The following ZBTB7B variants were observed in gnomAD, a reference collection of about 807,000 sequenced individuals.
ZBTB7B encodes zinc finger and BTB domain-containing protein 7B.
ZBTB7B carries 8 observed loss-of-function variants against 31.0 expected under a neutral mutation model. The ratio of observed to expected loss-of-function variants is 0.26; its 90% CI spans 0.15 to 0.47. The LOEUF is 0.47. ZBTB7B is among the 20% of genes least tolerant of loss of function. The pLI, the probability that ZBTB7B is intolerant of heterozygous loss-of-function variation, is 0.99. For synonymous variants in ZBTB7B, 261 were observed against 307.3 expected, an observed-to-expected ratio of 0.85 and a Z score of 1.58; for missense variants, 494 against 742.4, an observed-to-expected ratio of 0.67 and a Z score of 3.89.
At position 155,014,796 on chromosome 1, in the gene ZBTB7B, C is replaced by T; in HGVS notation, c.136C>T (p.Arg46Cys). The change falls in exon 2 of 3, where the codon CGC (arginine) becomes TGC (cysteine). Residue 46 changes from arginine to cysteine, a missense_variant. Coordinates refer to ENST00000535420, the MANE Select transcript of ZBTB7B (RefSeq NM_001256455.2). ...CATCCGGACGCAGGGCCTTGAATAC[C>T]GCACCCACAGGGCTGTGCTAGCTGC... Reference protein sequence around the residue: ...LTIRTQGLEYRTHRAVLAACS... With the variant: ...LTIRTQGLEYCTHRAVLAACS... 2 of 1,614,196 alleles carry T rather than the reference C, an allele frequency of 1.2e-6. No individual in the cohort carries two copies. Among genetic ancestry groups the T allele is most frequent in the Non-Finnish European group, 1.7e-6 (2 of 1,180,034 alleles).
At chr1:155,009,918 A>C (rs1658836071) in intron 1 of ZBTB7B, among the ~76,000 whole-genome samples, 1 of 152,030 alleles carries the variant, frequency 6.6e-6, no homozygotes, top group South Asian at 2.1e-4. Context: ...AGTTCCTGGG[A>C]GGAGGCCTAG....
chr1:155,006,224 T>C (rs1658548173), intron 1 of ZBTB7B, among the ~76,000 whole-genome samples: 1 of 152,220 alleles, frequency 6.6e-6, no homozygotes. Flanking sequence ...CAGAGAGGGC[T>C]GCCCTCTTCA....
In ZBTB7B at chr1:155,015,683, C is replaced by T; in HGVS notation, c.1023C>T (p.Arg341=). 6.2e-7 allele frequency: 1 copy of T among 1,612,974 alleles called. No individual in the cohort carries two copies. Among genetic ancestry groups the T allele is most frequent in the East Asian group, 2.2e-5 (1 of 44,872 alleles). The change falls in exon 2 of 3, where the codon CGC becomes CGT. Residue 341 remains arginine, a synonymous_variant. Transcript: ENST00000535420. The stretch of plus-strand genomic sequence containing the variant: ...AAGACAAGCTGGTGCGCAAACGCCG[C>T]TCCCAGATGCCTCAGGAGTGCCCTG... ...DSQDKLVRKR[R]SQMPQECPVC...
At chr1:155,006,613 C>T (rs763700680) in intron 1 of ZBTB7B, among the ~76,000 whole-genome samples, 28 of 152,200 alleles carry the variant, frequency 1.8e-4, no homozygotes, top group Non-Finnish European at 3.7e-4. Context: ...TTCTTCCTCC[C>T]AGGCCAACAG....
chr1:155,017,439 T>G lies in ZBTB7B; in HGVS notation c.*754T>G, dbSNP rs149024582. On this transcript the variant is annotated 3_prime_UTR_variant, in exon 3 of 3. Coordinates refer to ENST00000535420, the MANE Select transcript of ZBTB7B (RefSeq NM_001256455.2). The stretch of plus-strand genomic sequence containing the variant: ...CCTCCCCACGGCCCTGGGCAGGGAA[T>G]GTCTTGTTCCCGCCGCTCCCTCCCC... 316 of 149,574 alleles carry G rather than the reference T, an allele frequency of 2.1e-3. 2 individuals carry two copies. The highest frequency in any genetic ancestry group is 3.7e-3 in the Non-Finnish European group (247 of 66,686). 9.3% of individuals were successfully genotyped at this position (149,574 alleles called of 1,614,324 possible). A position where few individuals can be genotyped will look rare whatever the true frequency, so the allele number is the denominator to read the frequency against.
In ZBTB7B at chr1:155,011,318, G is replaced by GACC. The variant is rs1161226816; in HGVS notation, c.-6-3335_-6-3333dup. ...GTTCCCATCTCCCTTTTCTTTCCAA[G>GACC]ACCAGGCCAGTGGCCTCCACCTTTT... On this transcript the variant is annotated intron_variant, in intron 1 of 2. Transcript: ENST00000535420. Among the ~76,000 whole-genome samples, 5 of 152,374 alleles carry GACC rather than the reference G, an allele frequency of 3.3e-5. No individual in the cohort carries two copies. The East Asian group carries it at 9.6e-4, about 29-fold the overall frequency.
intron 1 of ZBTB7B, among the ~76,000 whole-genome samples, chr1:155,007,645 G>A (rs1296267668): frequency 6.6e-6 from 1 of 152,178 alleles, no homozygotes; most frequent in Admixed American, 6.5e-5. Context: ...GTAAGGCCTA[G>A]GGGCCTGGGC....
At position 155,018,397 on chromosome 1, in the gene ZBTB7B, C is replaced by A. The variant is rs1659622225; in HGVS notation, c.*1712C>A. The A allele has an allele frequency of 1.2e-6, 1 of 805,122 alleles. No individual in the cohort carries two copies. The highest frequency in any genetic ancestry group is 1.9e-6 in the Non-Finnish European group (1 of 521,508). The allele number at this position is 805,122 out of a possible 1,614,324, so 49.9% of individuals were successfully genotyped here. On this transcript the variant is annotated 3_prime_UTR_variant, in exon 3 of 3. Transcript: ENST00000535420. ...GACAATGTGGCCTCCCTTCTCCCTA[C>A]TTTCGGCTTTCCCAGTCAGTGCCTT...
intron 1 of ZBTB7B, chr1:155,014,235 C>T: frequency 3.3e-6 from 1 of 299,066 alleles, no homozygotes; most frequent in South Asian, 1.2e-4. Flanking sequence ...GAAGCCTGAA[C>T]CGGGACCCAG....
chr1:155,005,774 C>T (rs1658521436), intron 1 of ZBTB7B, among the ~76,000 whole-genome samples: 1 of 152,186 alleles, frequency 6.6e-6, no homozygotes, highest in East Asian at 1.9e-4. Flanking sequence ...CTGGCCTCTT[C>T]CCCCTCCTTG....
intron 1 of ZBTB7B, among the ~76,000 whole-genome samples, chr1:155,013,842 T>TG: frequency 2.1e-5 from 1 of 46,644 alleles, no homozygotes; most frequent in Admixed American, 2.3e-4. Flanking sequence ...CTTGGCCCCA[T>TG]GGGGGAGGGG....
chr1:155,016,040 G>A lies in ZBTB7B; in HGVS notation c.1155-180G>A, dbSNP rs1384192521. On this transcript the variant is annotated intron_variant, in intron 2 of 2. Transcript: ENST00000535420. The surrounding 1 kb of genome is among the most constrained non-coding windows in gnomAD (Gnocchi z 4.3). Reference sequence around the variant, plus strand: ...CAGGAGGGCAGTGCTGGAAGCAGAGGAGTGGATAATGACAAGGCCTAGTTA... The same window carrying A: ...CAGGAGGGCAGTGCTGGAAGCAGAGAAGTGGATAATGACAAGGCCTAGTTA... 6.6e-6 allele frequency among the ~76,000 whole-genome samples: 1 copy of A among 152,168 alleles called. No homozygotes were observed. The highest frequency in any genetic ancestry group is 1.5e-5 in the Non-Finnish European group (1 of 68,014).
In ZBTB7B at chr1:155,016,404, C is replaced by T; in HGVS notation, c.1339C>T (p.Arg447Cys). The T allele has an allele frequency of 6.2e-7, 1 of 1,614,134 alleles. No individual in the cohort carries two copies. Among genetic ancestry groups the T allele is most frequent in the East Asian group, 2.2e-5 (1 of 44,878 alleles). The change falls in exon 3 of 3, where the codon CGC (arginine) becomes TGC (cysteine). Residue 447 changes from arginine to cysteine, a missense_variant. Arg to Cys is a radical substitution (Grantham distance 180, BLOSUM62 -3). This residue lies in a region of ZBTB7B where 61 missense variants were observed against 170.0 expected (regional missense o/e 0.36). Coordinates refer to ENST00000535420, the MANE Select transcript of ZBTB7B (RefSeq NM_001256455.2). The surrounding 1 kb of genome is among the most constrained non-coding windows in gnomAD (Gnocchi z 4.3). ...KAFAKEDHLQ[R>C]HLKGQNCLEV... ...TTTCGCCAAGGAGGACCACCTGCAGCGCCACCTCAAAGGCCAGAACTGCCT... is the reference window on the plus strand; with the variant it reads ...TTTCGCCAAGGAGGACCACCTGCAGTGCCACCTCAAAGGCCAGAACTGCCT...
chr1:155,008,959 AGTTGCCGCCAGGCCCCTCAGC>A (rs1447594988), intron 1 of ZBTB7B, among the ~76,000 whole-genome samples: 1 of 152,112 alleles, frequency 6.6e-6, no homozygotes. Context: ...GGCCAGGAGG[AGTTGCCGCCAGGCCCCTCAGC>A]GTTCAGGTGA....
rs780121175 is a variant in ZBTB7B, at chr1:155,015,648, C to T, written c.988C>T (p.Leu330=). The change falls in exon 2 of 3, where the codon CTG becomes TTG. Residue 330 remains leucine, a synonymous_variant. Coordinates refer to ENST00000535420, the MANE Select transcript of ZBTB7B (RefSeq NM_001256455.2). Reference sequence around the variant, plus strand: ...GCACCAGGACAACCTGGCACCAGGCCTGGACAGCCAAGACAAGCTGGTGCG... The same window carrying T: ...GCACCAGGACAACCTGGCACCAGGCTTGGACAGCCAAGACAAGCTGGTGCG... ...SLHQDNLAPG[L]DSQDKLVRKR... The T allele has an allele frequency of 6.2e-7, 1 of 1,613,492 alleles. No individual in the cohort carries two copies.
rs929126308 is a variant in ZBTB7B, at chr1:155,004,855, C to T, written c.-7+1912C>T. On this transcript the variant is annotated intron_variant, in intron 1 of 2. Coordinates refer to ENST00000535420, the MANE Select transcript of ZBTB7B (RefSeq NM_001256455.2). The surrounding 1 kb of genome is among the most constrained non-coding windows in gnomAD (Gnocchi z 4.0). ...GTCCCCTCCCTTGGGTACCACACAC[C>T]CCCAGCCCTGGCACAGGGGTCAAAA... is the stretch of plus-strand genomic sequence containing the variant. Among the ~76,000 whole-genome samples, 6 of 152,210 alleles carry T rather than the reference C, an allele frequency of 3.9e-5. No individual in the cohort carries two copies. Among genetic ancestry groups the T allele is most frequent in the South Asian group, 4.1e-4 (2 of 4,828 alleles).
chr1:155,012,257 A>C, intron 1 of ZBTB7B, among the ~76,000 whole-genome samples: 1 of 141,794 alleles, frequency 7.1e-6, no homozygotes, highest in East Asian at 2.5e-4. Flanking sequence ...AGCAGCGGGA[A>C]TGGGTGGGGT....
chr1:155,015,901 G>A (rs1659370092), intron 2 of ZBTB7B, 87 bp downstream of exon 2: 4 of 1,485,062 alleles, frequency 2.7e-6, no homozygotes, highest in African/African-American at 1.4e-5. Context: ...GGAGACCCGA[G>A]GTGGTGGTAG....
At position 155,004,782 on chromosome 1, in the gene ZBTB7B, A is replaced by G. The variant is rs1394053722; in HGVS notation, c.-7+1839A>G. ...CCAGCTCCCCCAGCGTGCCTCTGTT[A>G]CATGGTTGCTGTGGGCACAACACAA... On this transcript the variant is annotated intron_variant, in intron 1 of 2. Coordinates refer to ENST00000535420, the MANE Select transcript of ZBTB7B (RefSeq NM_001256455.2). The surrounding 1 kb of genome is among the most constrained non-coding windows in gnomAD (Gnocchi z 4.0). 2.0e-5 allele frequency among the ~76,000 whole-genome samples: 3 copies of G among 150,880 alleles called. No individual in the cohort carries two copies. Among genetic ancestry groups the G allele is most frequent in the Non-Finnish European group, 4.4e-5 (3 of 67,728 alleles).
Sources: allele counts gnomAD v4.1 joint callset (sites outside exome capture counted in the v4.1 genomes callset), GRCh38; gene constraint gnomAD v4.1.1; regional missense constraint gnomAD v4.1.1; non-coding constraint Gnocchi (gnomAD v3.1); transcripts MANE v1.5; gene names NCBI Gene and HGNC (gene_info 2026-07-23, HGNC 2026-07-21).